CPS1: variants seen among roughly 807,000 people sequenced by gnomAD.
CPS1 encodes the protein carbamoyl-phosphate synthase [ammonia], mitochondrial.
Under a neutral mutation model 174.6 loss-of-function variants are expected in CPS1, and 109 were observed. The observed-to-expected ratio is 0.62, with a 90% CI of 0.53 to 0.73. The LOEUF (loss-of-function observed/expected upper bound fraction) is 0.73. Ranked by LOEUF, CPS1 falls within the 30% of genes least tolerant of loss-of-function variation. The pLI is 0.00. For synonymous variants in CPS1, 637 were observed against 632.0 expected (o/e 1.01, Z -0.12); for missense variants, 1,689 against 1,821.9 (o/e 0.93, Z 1.33).
At chr2:210,612,061 A>C (rs2105858870) in intron 19 of CPS1, 56 bp from the exon 20 acceptor site, 1 of 1,505,810 alleles carries the variant, frequency 6.6e-7, no homozygotes, top group Non-Finnish European at 9.2e-7. Flanking sequence ...TTCAGTTACA[A>C]ATTAAAGATA....
In CPS1 at chr2:210,480,831, A is replaced by G. The variant is rs1190140612; in HGVS notation, c.3+3065A>G. On this transcript the variant is annotated intron_variant, in intron 1 of 38. Transcript: ENST00000430249. ...ATCTAAGCTTGAGTCTAATATCACC[A>G]CACTGCTGGTTTAACACCCAGCTGG... 2.6e-5 allele frequency among the ~76,000 whole-genome samples: 4 copies of G among 152,312 alleles called. No homozygotes were observed. In the South Asian group the frequency reaches 8.3e-4, roughly 32 times the overall value.
intron 21 of CPS1, among the ~76,000 whole-genome samples, chr2:210,624,779 G>C (rs1699645966): frequency 6.6e-6 from 1 of 151,932 alleles, no homozygotes; most frequent in Admixed American, 6.6e-5. Context: ...TCCGAGTCTG[G>C]CATGGACAAG....
chr2:210,631,036 T>C (rs1163552198), intron 21 of CPS1, among the ~76,000 whole-genome samples: 1 of 141,766 alleles, frequency 7.1e-6, no homozygotes, highest in Non-Finnish European at 1.6e-5. Flanking sequence ...TTTTTTTTTT[T>C]AAAGAGGATA....
rs1235098805 is a variant in CPS1, at chr2:210,640,074, T to C, written c.2959+15T>C. ...ATATCACATTGGTAAAATAATAAAT[T>C]ATGTGTATATAGGACTTTACACAAT... On this transcript the variant is annotated intron_variant, in intron 24 of 37. Transcript: ENST00000233072. 1.4e-6 allele frequency: 2 copies of C among 1,474,178 alleles called. No homozygotes were observed. Among genetic ancestry groups the C allele is most frequent in the Non-Finnish European group, 1.9e-6 (2 of 1,053,816 alleles). The allele number at this position is 1,474,178 out of a possible 1,614,324, so 91.3% of individuals were successfully genotyped here.
intron 4 of CPS1, among the ~76,000 whole-genome samples, chr2:210,577,983 A>T (rs2106082709): frequency 6.6e-6 from 1 of 152,224 alleles, no homozygotes; most frequent in African/African-American, 2.4e-5. Context: ...GTATAAGCAG[A>T]TTACCATCAA....
At chr2:210,525,866 C>G (rs1695960018) in intron 1 of CPS1, among the ~76,000 whole-genome samples, 2 of 150,578 alleles carry the variant, frequency 1.3e-5, no homozygotes, top group Admixed American at 1.3e-4. Flanking sequence ...GAAGGAGCAG[C>G]AGTAGGAGAA....
At chr2:210,491,306 T>TA (rs1694867847) in intron 1 of CPS1, among the ~76,000 whole-genome samples, 1 of 105,726 alleles carries the variant, frequency 9.5e-6, no homozygotes, top group African/African-American at 3.2e-5. Flanking sequence ...TTGGTATCTG[T>TA]GTTTTTTTTT....
At chr2:210,597,853 C>A (rs765695457) in intron 13 of CPS1, among the ~76,000 whole-genome samples, 32 of 149,404 alleles carry the variant, frequency 2.1e-4, no homozygotes, top group Middle Eastern at 3.6e-3. Flanking sequence ...CAAACATACA[C>A]ACACACATGC....
intron 1 of CPS1, 104 bp downstream of exon 1, chr2:210,556,963 T>C (rs1696933044): frequency 7.7e-7 from 1 of 1,293,252 alleles, no homozygotes; most frequent in Admixed American, 1.7e-5. Context: ...AATGTAGCTC[T>C]GAAGTACTAA....
intron 6 of CPS1, among the ~76,000 whole-genome samples, chr2:210,586,685 C>T (rs1698121852): frequency 6.6e-6 from 1 of 151,934 alleles, no homozygotes; most frequent in South Asian, 2.1e-4. Context: ...TGTGTAGAGA[C>T]CAGCAAAAAT....
chr2:210,478,437 T>C (rs1694465034), intron 1 of CPS1, among the ~76,000 whole-genome samples: 1 of 152,254 alleles, frequency 6.6e-6, no homozygotes, highest in Non-Finnish European at 1.5e-5. Context: ...CTTTATTTAT[T>C]TTTCTATTAG....
chr2:210,488,253 T>G (rs1282917162), intron 1 of CPS1, among the ~76,000 whole-genome samples: 1 of 152,198 alleles, frequency 6.6e-6, no homozygotes, highest in Non-Finnish European at 1.5e-5. Context: ...ATACTTTTTG[T>G]TAGATCATGT....
At chr2:210,539,461 C>T (rs534619447) in intron 1 of CPS1, among the ~76,000 whole-genome samples, 10 of 152,242 alleles carry the variant, frequency 6.6e-5, no homozygotes, top group South Asian at 2.1e-4. Flanking sequence ...ATCTGATCTA[C>T]GAGTCTAATC....
At chr2:210,675,595 C>A in intron 35 of CPS1, 133 bp from the exon 36 acceptor site, 1 of 707,752 alleles carries the variant, frequency 1.4e-6, no homozygotes, top group Non-Finnish European at 2.6e-6. Context: ...ACTGTGAGTC[C>A]AAGTCTCTAT....
At chr2:210,638,832 G>T (rs2302909) in intron 22 of CPS1, among the ~76,000 whole-genome samples, 33,398 of 152,014 alleles carry the variant, frequency 0.22, 7,169 homozygotes, top group African/African-American at 0.56. Flanking sequence ...TTCATATACA[G>T]CTGCTTTTAG....
At chr2:210,520,477 C>T (rs940072771) in intron 1 of CPS1, among the ~76,000 whole-genome samples, 9 of 151,982 alleles carry the variant, frequency 5.9e-5, no homozygotes, top group East Asian at 1.9e-4. Context: ...CTCCACCTCA[C>T]GATGGGCCCC....
chr2:210,660,735 T>A, intron 32 of CPS1, 80 bp downstream of exon 32: 1 of 1,394,280 alleles, frequency 7.2e-7, no homozygotes, highest in Admixed American at 1.7e-5. Flanking sequence ...AAAATCTTGT[T>A]ACTTTTAAAA....
At chr2:210,579,320 C>A (rs573722701) in intron 4 of CPS1, among the ~76,000 whole-genome samples, 1 of 152,198 alleles carries the variant, frequency 6.6e-6, no homozygotes, top group Admixed American at 6.5e-5. Flanking sequence ...CTCAACATGG[C>A]CCTTCAGAAA....
chr2:210,599,548 A>G lies in CPS1; in HGVS notation c.1536A>G (p.Thr512=), dbSNP rs369446664. The change falls in exon 14 of 38, where the codon ACA becomes ACG. Residue 512 remains threonine, a synonymous_variant. Coordinates refer to ENST00000233072, the MANE Select transcript of CPS1 (RefSeq NM_001875.5). The part of the protein sequence containing the change: ...DGLILGMGGQ[T]ALNCGVELFK... ...TAATTCTGGGCATGGGTGGCCAGAC[A>G]GCTCTGAACTGTGGTGAGTTCTTAT... is the stretch of plus-strand genomic sequence containing the variant. The G allele has an allele frequency of 1.9e-6, 3 of 1,612,300 alleles. No homozygotes were observed. In the African/African-American group the frequency reaches 4.0e-5, roughly 22 times the overall value.
Sources: allele counts gnomAD v4.1 joint callset (sites outside exome capture counted in the v4.1 genomes callset), GRCh38; gene constraint gnomAD v4.1.1; transcripts MANE v1.5; gene names NCBI Gene and HGNC (gene_info 2026-07-23, HGNC 2026-07-21).